UNC5C: variants seen among roughly 807,000 people sequenced by gnomAD.
UNC5C encodes netrin receptor UNC5C.
UNC5C carries 47 observed loss-of-function variants against 99.8 expected under a neutral mutation model. The observed-to-expected ratio is 0.47, with a 90% confidence interval of 0.37 to 0.60. UNC5C has a LOEUF of 0.60. Among genes scored for constraint, UNC5C ranks in the 20% least tolerant of loss-of-function variants. The probability of loss-of-function intolerance (pLI) is 0.00; values close to 1 mark genes in which losing one functional copy is unlikely to be tolerated. For synonymous variants in UNC5C, 487 were observed against 452.2 expected (o/e 1.08, Z -0.98); for missense variants, 1,062 against 1,165.9 (o/e 0.91, Z 1.30).
At chr4:95,331,446 A>ACTTTAAAGGTAATACCT (rs1460938725) in intron 2 of UNC5C, among the ~76,000 whole-genome samples, 1 of 152,024 alleles carries the variant, frequency 6.6e-6, no homozygotes, top group Non-Finnish European at 1.5e-5. Context: ...GTTTTTCAAA[A>ACTTTAAAGGTAATACCT]CTTTAAAGGT....
intron 1 of UNC5C, among the ~76,000 whole-genome samples, chr4:95,472,921 G>A (rs60102498): frequency 0.033 from 4,963 of 149,640 alleles, 295 homozygotes; most frequent in African/African-American, 0.11. Context: ...AAAAAAAAAT[G>A]TGTTCCTGTT....
chr4:95,507,329 C>T (rs1324590529), intron 1 of UNC5C, among the ~76,000 whole-genome samples: 4 of 151,968 alleles, frequency 2.6e-5, no homozygotes, highest in African/African-American at 7.2e-5. Flanking sequence ...ACGACAGCTG[C>T]TAACTCTGGA....
chr4:95,193,616 T>A (rs1737249015), intron 12 of UNC5C, among the ~76,000 whole-genome samples: 1 of 152,162 alleles, frequency 6.6e-6, no homozygotes, highest in Non-Finnish European at 1.5e-5. Context: ...AAACCTGCCC[T>A]TGTCATTTGG....
In UNC5C at chr4:95,335,322, C is replaced by T. The variant is rs551577759; in HGVS notation, c.346+88G>A. 256 of 1,214,558 alleles carry T rather than the reference C, an allele frequency of 2.1e-4. 1 individual carries two copies. Among genetic ancestry groups the T allele is most frequent in the Non-Finnish European group, 2.5e-4 (219 of 874,134 alleles). 75.2% of individuals were successfully genotyped at this position (1,214,558 alleles called of 1,614,324 possible). On this transcript the variant is annotated intron_variant, in intron 2 of 15. Coordinates refer to ENST00000453304, the MANE Select transcript of UNC5C (RefSeq NM_003728.4). ...TCAGAGAATAACTCCATTTTCCATTCCACTAATTGAAATAACAGTATGTCC... is the reference window on the plus strand; with the variant it reads ...TCAGAGAATAACTCCATTTTCCATTTCACTAATTGAAATAACAGTATGTCC...
At position 95,167,687 on chromosome 4, in the gene UNC5C, T is replaced by C. The variant is rs1735910762; in HGVS notation, c.*1547A>G. The C allele has an allele frequency of 6.6e-6, 1 of 152,206 alleles. No homozygotes were observed. The allele number at this position is 152,206 out of a possible 1,614,324, so 9.4% of individuals were successfully genotyped here. ...GGATGTCATCTCTCAGTGAACAGCATAATGCAATGATGCAGAGCGACTCAG... is the reference window on the plus strand; with the variant it reads ...GGATGTCATCTCTCAGTGAACAGCACAATGCAATGATGCAGAGCGACTCAG... On this transcript the variant is annotated 3_prime_UTR_variant, in exon 16 of 16. Transcript: ENST00000453304.
intron 1 of UNC5C, among the ~76,000 whole-genome samples, chr4:95,515,857 A>T (rs1045320523): frequency 6.6e-6 from 1 of 152,164 alleles, no homozygotes; most frequent in Non-Finnish European, 1.5e-5. Flanking sequence ...CCAAAGAAAA[A>T]CTTGGCAGTC....
At chr4:95,235,182 T>A (rs1314906340) in intron 7 of UNC5C, among the ~76,000 whole-genome samples, 1 of 152,198 alleles carries the variant, frequency 6.6e-6, no homozygotes, top group Non-Finnish European at 1.5e-5. Flanking sequence ...TCAGTGACAT[T>A]GCTAGTTCTT....
At chr4:95,230,586 T>G (rs1738876797) in intron 7 of UNC5C, among the ~76,000 whole-genome samples, 2 of 152,284 alleles carry the variant, frequency 1.3e-5, no homozygotes, top group South Asian at 2.1e-4. Flanking sequence ...GTCTTACATT[T>G]AAGTCTTTAA....
At position 95,265,720 on chromosome 4, in the gene UNC5C, C is replaced by CT. The variant is rs918866133; in HGVS notation, c.594+12538dup. Among the ~76,000 whole-genome samples, 5 of 151,998 alleles carry CT rather than the reference C, an allele frequency of 3.3e-5. No homozygotes were observed. In the East Asian group the frequency reaches 7.7e-4, roughly 24 times the overall value. ...TTTTGAAAACATACAGTCAAAAAAA[C>CT]TTTTTTTTGTTATAAGGAAAACAGT... On this transcript the variant is annotated intron_variant, in intron 4 of 15. Transcript: ENST00000453304.
chr4:95,335,767 T>A, intron 1 of UNC5C, 136 bp from the exon 2 acceptor site: 1 of 667,072 alleles, frequency 1.5e-6, no homozygotes, highest in South Asian at 2.1e-5. Context: ...CCAGGCTGTA[T>A]GTTAGATCTA....
At chr4:95,511,204 G>A (rs906702359) in intron 1 of UNC5C, among the ~76,000 whole-genome samples, 1 of 152,060 alleles carries the variant, frequency 6.6e-6, no homozygotes, top group Admixed American at 6.6e-5. Context: ...TAATATCAGG[G>A]CAGAAGACAA....
At chr4:95,366,351 CA>C (rs1321984437) in intron 1 of UNC5C, among the ~76,000 whole-genome samples, 7 of 152,106 alleles carry the variant, frequency 4.6e-5, no homozygotes, top group African/African-American at 9.7e-5. Context: ...AAACACTGAT[CA>C]ACTTACAAAT....
chr4:95,275,949 T>C (rs1740844672), intron 4 of UNC5C, among the ~76,000 whole-genome samples: 1 of 152,236 alleles, frequency 6.6e-6, no homozygotes, highest in South Asian at 2.1e-4. Context: ...ACATGAGTTT[T>C]ACCTGCTGGT....
In UNC5C at chr4:95,442,660, C is replaced by T. The variant is rs182918339; in HGVS notation, c.124+106074G>A. ...TATTCTCTTCTGCTTCTATTATTCA[C>T]AGCTGGAAGAATTTTGGTGAGGTAA... is the stretch of plus-strand genomic sequence containing the variant. On this transcript the variant is annotated intron_variant, in intron 1 of 15. Transcript: ENST00000453304. Among the ~76,000 whole-genome samples, 31 of 152,196 alleles carry T rather than the reference C, an allele frequency of 2.0e-4. No homozygotes were observed. The East Asian group carries it at 5.6e-3, about 28-fold the overall frequency.
chr4:95,222,008 GAT>G (rs1469151788), intron 7 of UNC5C, among the ~76,000 whole-genome samples: 1 of 152,128 alleles, frequency 6.6e-6, no homozygotes, highest in Non-Finnish European at 1.5e-5. Flanking sequence ...ATGGTAGACT[GAT>G]AGATTTTAAA....
At position 95,162,675 on chromosome 4, in the gene UNC5C, A is replaced by T. The variant is rs1735719030; in HGVS notation, c.*6559T>A. On this transcript the variant is annotated 3_prime_UTR_variant, in exon 16 of 16. Coordinates refer to ENST00000453304, the MANE Select transcript of UNC5C (RefSeq NM_003728.4). ...GGCACACCCGGAGCTGGTATCCCTC[A>T]CCTCCACCACTCAGCAAGGCGCCGG... is the stretch of plus-strand genomic sequence containing the variant. 1 of 151,906 alleles carries T rather than the reference A, an allele frequency of 6.6e-6. No homozygotes were observed. Among genetic ancestry groups the T allele is most frequent in the Non-Finnish European group, 1.5e-5 (1 of 67,992 alleles). 9.4% of individuals were successfully genotyped at this position (151,906 alleles called of 1,614,324 possible).
At chr4:95,459,025 A>G (rs1273853461) in intron 1 of UNC5C, among the ~76,000 whole-genome samples, 1 of 152,116 alleles carries the variant, frequency 6.6e-6, no homozygotes, top group Admixed American at 6.6e-5. Context: ...TGTGGATATT[A>G]CTAGTATCTT....
chr4:95,200,006 G>A (rs993146178), intron 12 of UNC5C, among the ~76,000 whole-genome samples: 4 of 152,020 alleles, frequency 2.6e-5, no homozygotes, highest in South Asian at 2.1e-4. Flanking sequence ...AATTATATGC[G>A]CTGACCCAAG....
chr4:95,263,944 C>G (rs1397213527), intron 4 of UNC5C, among the ~76,000 whole-genome samples: 1 of 152,140 alleles, frequency 6.6e-6, no homozygotes, highest in Non-Finnish European at 1.5e-5. Context: ...AGAATGATAT[C>G]TAGCATAAAA....
Sources: gnomAD v4.1 joint callset for allele counts (sites outside exome capture counted in the v4.1 genomes callset) on GRCh38, gnomAD v4.1.1 for gene constraint, MANE v1.5 for transcripts, NCBI Gene and HGNC (gene_info 2026-07-23, HGNC 2026-07-21) for gene names.